PLXDC2: variants seen among roughly 807,000 people sequenced by gnomAD.
PLXDC2 encodes plexin domain containing 2.
In PLXDC2, 40 loss-of-function variants were observed where a neutral mutation model predicts 68.9. That is an observed-to-expected ratio of 0.58 (90% CI 0.45 to 0.76). PLXDC2 has a LOEUF of 0.76. PLXDC2 is among the 30% of genes least tolerant of loss of function. The pLI, the probability that PLXDC2 is intolerant of heterozygous loss-of-function variation, is 0.00. For missense variants in PLXDC2, 644 were observed against 661.9 expected, an observed-to-expected ratio of 0.97 and a Z score of 0.30; for synonymous variants, 243 against 234.2, an observed-to-expected ratio of 1.04 and a Z score of -0.34.
intron 1 of PLXDC2, among the ~76,000 whole-genome samples, chr10:19,963,711 C>T (rs960827164): frequency 2.7e-4 from 41 of 151,954 alleles, no homozygotes; most frequent in African/African-American, 9.4e-4. Flanking sequence ...AGGGGAGGGA[C>T]AGCATTAGGA....
chr10:20,208,674 C>G (rs1237960802), intron 9 of PLXDC2, among the ~76,000 whole-genome samples: 8 of 152,128 alleles, frequency 5.3e-5, no homozygotes, highest in Non-Finnish European at 1.2e-4. Flanking sequence ...CCCTAGCTTT[C>G]AAACGTTCTC....
chr10:19,842,488 A>T (rs1053858110), intron 1 of PLXDC2, among the ~76,000 whole-genome samples: 12 of 152,128 alleles, frequency 7.9e-5, no homozygotes, highest in African/African-American at 2.7e-4. Flanking sequence ...TGCAGCTCCC[A>T]ATGTCCTTGC....
At position 20,037,258 on chromosome 10, in the gene PLXDC2, A is replaced by G. The variant is rs555438781; in HGVS notation, c.325-9611A>G. ...CATATTCTAAACATTTTTTTATCAC[A>G]TTTTTTGTTGGGTTTGTGAAGCCCT... is the stretch of plus-strand genomic sequence containing the variant. On this transcript the variant is annotated intron_variant, in intron 2 of 13. Transcript: ENST00000377252. 7.9e-5 allele frequency among the ~76,000 whole-genome samples: 12 copies of G among 151,792 alleles called. No individual in the cohort carries two copies. In the South Asian group the frequency reaches 2.3e-3, roughly 29 times the overall value.
At chr10:20,215,186 G>C (rs1411161866) in intron 10 of PLXDC2, among the ~76,000 whole-genome samples, 1 of 152,080 alleles carries the variant, frequency 6.6e-6, no homozygotes, top group Non-Finnish European at 1.5e-5. Flanking sequence ...TGAGGAGAGG[G>C]TGTGTCACAG....
rs1275907674 is a variant in PLXDC2 at position 20,020,485 on chromosome 10, T to C, written c.324+18499T>C. Among the ~76,000 whole-genome samples the C allele has an allele frequency of 2.0e-5, 3 of 152,156 alleles. No homozygotes were observed. In the South Asian group the frequency reaches 6.2e-4, roughly 32 times the overall value. On this transcript the variant is annotated intron_variant, in intron 2 of 13. Transcript: ENST00000377252. Reference sequence around the variant, plus strand: ...TATACAGTTTCTCTTTCTTCATTCATATGGACTCCTTCTGGTTATGGTGCT... The same window carrying C: ...TATACAGTTTCTCTTTCTTCATTCACATGGACTCCTTCTGGTTATGGTGCT...
chr10:20,148,866 G>A (rs1834113368), intron 6 of PLXDC2, among the ~76,000 whole-genome samples: 1 of 152,136 alleles, frequency 6.6e-6, no homozygotes, highest in South Asian at 2.1e-4. Flanking sequence ...CAAATCTTCT[G>A]AAATCCATCT....
chr10:19,827,260 T>C (rs1349482334), intron 1 of PLXDC2, among the ~76,000 whole-genome samples: 5 of 152,218 alleles, frequency 3.3e-5, no homozygotes, highest in African/African-American at 1.2e-4. Flanking sequence ...TACACAGTCT[T>C]AATTACTGTA....
intron 1 of PLXDC2, among the ~76,000 whole-genome samples, chr10:19,831,130 A>G (rs975498016): frequency 6.6e-6 from 1 of 152,152 alleles, no homozygotes; most frequent in Non-Finnish European, 1.5e-5. Flanking sequence ...ATTATCAATG[A>G]CCATTAAAAT....
intron 4 of PLXDC2, among the ~76,000 whole-genome samples, chr10:20,075,708 G>A (rs78561694): frequency 2.4e-3 from 358 of 152,250 alleles, no homozygotes; most frequent in Admixed American, 4.1e-3. Flanking sequence ...AGAAATATGG[G>A]TAGAATGAAG....
intron 12 of PLXDC2, among the ~76,000 whole-genome samples, chr10:20,220,715 G>A (rs1020656097): frequency 1.3e-5 from 2 of 152,072 alleles, no homozygotes; most frequent in Non-Finnish European, 2.9e-5. Context: ...TTGCTGGCTT[G>A]GGGCTACAGA....
chr10:19,933,500 G>T (rs1833674014), intron 1 of PLXDC2, among the ~76,000 whole-genome samples: 1 of 151,978 alleles, frequency 6.6e-6, no homozygotes, highest in Admixed American at 6.5e-5. Context: ...TGGGCATGAT[G>T]GTGGGCACCT....
chr10:19,974,104 C>T (rs1334010161), intron 1 of PLXDC2, among the ~76,000 whole-genome samples: 1 of 152,184 alleles, frequency 6.6e-6, no homozygotes, highest in Non-Finnish European at 1.5e-5. Flanking sequence ...GGGTGGAAAG[C>T]AACTTTGATA....
chr10:19,817,752 G>A (rs1366443871), intron 1 of PLXDC2, among the ~76,000 whole-genome samples: 3 of 152,224 alleles, frequency 2.0e-5, no homozygotes, highest in Non-Finnish European at 2.9e-5. Context: ...TGCGGCCGGC[G>A]CAGAGGTGGG....
chr10:20,103,898 C>T (rs1055987153), intron 4 of PLXDC2, among the ~76,000 whole-genome samples: 5 of 152,130 alleles, frequency 3.3e-5, no homozygotes, highest in Admixed American at 1.3e-4. Flanking sequence ...CTGCCTTGGC[C>T]GCCCAAAGTG....
chr10:20,274,429 G>A (rs772019841), intron 13 of PLXDC2, among the ~76,000 whole-genome samples: 9 of 152,220 alleles, frequency 5.9e-5, no homozygotes, highest in Non-Finnish European at 1.2e-4. Flanking sequence ...CACATGAACC[G>A]ACTATGGTTA....
At chr10:20,237,176 C>T (rs1052631452) in intron 12 of PLXDC2, among the ~76,000 whole-genome samples, 35 of 151,936 alleles carry the variant, frequency 2.3e-4, no homozygotes, top group East Asian at 1.9e-4. Context: ...TTTTGTGCAC[C>T]GGCTTTTATA....
chr10:20,213,082 A>G (rs536194954), intron 10 of PLXDC2, among the ~76,000 whole-genome samples: 3 of 152,244 alleles, frequency 2.0e-5, no homozygotes, highest in South Asian at 4.1e-4. Flanking sequence ...TTTTATTTTT[A>G]TGATGAGTTT....
rs973087072 is a variant in PLXDC2 at position 20,287,939 on chromosome 10, T to C, written c.*8120T>C. 3 of 116,330 alleles carry C rather than the reference T, an allele frequency of 2.6e-5. No homozygotes were observed. The highest frequency in any genetic ancestry group is 1.0e-4 in the African/African-American group (3 of 29,864). 7.2% of individuals were successfully genotyped at this position (116,330 alleles called of 1,614,324 possible). The stretch of plus-strand genomic sequence containing the variant: ...ATTCTGTGTGTAGTCATTTGAAATG[T>C]TGAAGTGTGAAAAGAGAAGAAATTG... On this transcript the variant is annotated 3_prime_UTR_variant, in exon 14 of 14. Transcript: ENST00000377252.
chr10:20,083,576 C>T (rs1178705450), intron 4 of PLXDC2, among the ~76,000 whole-genome samples: 3 of 151,570 alleles, frequency 2.0e-5, no homozygotes, highest in African/African-American at 7.3e-5. Context: ...ATAATTTCTG[C>T]AGTGTATGTA....
Sources: allele counts gnomAD v4.1 joint callset (sites outside exome capture counted in the v4.1 genomes callset), GRCh38; gene constraint gnomAD v4.1.1; transcripts MANE v1.5; gene names NCBI Gene and HGNC (gene_info 2026-07-23, HGNC 2026-07-21).